The following CABIN1 variants were observed in gnomAD, a reference collection of about 807,000 sequenced individuals.
CABIN1 encodes calcineurin-binding protein cabin-1.
In CABIN1, 133 loss-of-function variants were observed where a neutral mutation model predicts 227.7. The observed-to-expected ratio is 0.58, with a 90% CI of 0.51 to 0.67. The LOEUF (loss-of-function observed/expected upper bound fraction) is 0.67, where lower values mean the gene tolerates loss of function less well. Among genes scored for constraint, CABIN1 ranks in the 30% least tolerant of loss-of-function variants. The pLI is 0.00. For synonymous variants in CABIN1, 1,086 were observed against 1,155.1 expected, an observed-to-expected ratio of 0.94 and a Z score of 1.21; for missense variants, 2,408 against 2,852.5, an observed-to-expected ratio of 0.84 and a Z score of 3.55.
In CABIN1 at chr22:24,169,080, C is replaced by T. The variant is rs539175338; in HGVS notation, c.5757+559C>T. Among the ~76,000 whole-genome samples the T allele has an allele frequency of 8.8e-4, 127 of 144,362 alleles. 1 individual carries two copies. The highest frequency in any genetic ancestry group is 3.0e-3 in the African/African-American group (118 of 39,760). The allele number at this position is 144,362 out of a possible 152,430, so 94.7% of individuals were successfully genotyped here. A position where few individuals can be genotyped will look rare whatever the true frequency, so the allele number is the denominator to read the frequency against. On this transcript the variant is annotated intron_variant, in intron 33 of 36. Coordinates refer to ENST00000263119, the MANE Select transcript of CABIN1 (RefSeq NM_012295.4). ...CAGGCCAGGGCTGGGGAGGGGGGGG[C>T]GGGGTCCAAGATATGGCAGGGAGTA... is the stretch of plus-strand genomic sequence containing the variant.
At chr22:24,170,166 G>T (rs1226434410) in intron 33 of CABIN1, 1 of 457,792 alleles carries the variant, frequency 2.2e-6, no homozygotes, top group Non-Finnish European at 4.4e-6. Context: ...ATCTGCCGTG[G>T]GCAGATTTGC....
At chr22:24,079,003 GAT>G in intron 19 of CABIN1, among the ~76,000 whole-genome samples, 1 of 152,158 alleles carries the variant, frequency 6.6e-6, no homozygotes, top group Admixed American at 6.5e-5. Context: ...AGTATACTGA[GAT>G]ACAGTTACAT....
chr22:24,170,188 A>C, intron 33 of CABIN1: 1 of 456,378 alleles, frequency 2.2e-6, no homozygotes, highest in Non-Finnish European at 4.4e-6. Context: ...TTTCCTACCT[A>C]GGATTCTTAC....
intron 28 of CABIN1, among the ~76,000 whole-genome samples, chr22:24,120,053 A>G (rs1410140077): frequency 6.6e-6 from 1 of 152,146 alleles, no homozygotes; most frequent in African/African-American, 2.4e-5. Flanking sequence ...CACCCCTGCC[A>G]TTCACCCATC....
intron 26 of CABIN1, among the ~76,000 whole-genome samples, chr22:24,105,011 A>G (rs955733474): frequency 9.2e-5 from 14 of 152,202 alleles, no homozygotes; most frequent in African/African-American, 2.9e-4. Flanking sequence ...ACACTTAAAG[A>G]GACACTGGAA....
intron 1 of CABIN1, among the ~76,000 whole-genome samples, chr22:24,022,718 C>A (rs904877948): frequency 7.9e-5 from 12 of 152,140 alleles, no homozygotes; most frequent in African/African-American, 2.9e-4. Context: ...TATGATTCTT[C>A]CAGTTGCTCT....
At position 24,119,533 on chromosome 22, in the gene CABIN1, G is replaced by A. The variant is rs1442641113; in HGVS notation, c.4467G>A (p.Glu1489=). 2 of 1,613,836 alleles carry A rather than the reference G, an allele frequency of 1.2e-6. No individual in the cohort carries two copies. Among genetic ancestry groups the A allele is most frequent in the Non-Finnish European group, 1.7e-6 (2 of 1,180,030 alleles). ...DGKKRGDLPG[E]PVAFPQGLPA... is the part of the protein sequence containing the mutation. ...AGAAGAGAGGGGACCTCCCAGGGGA[G>A]CCAGTGGCCTTCCCCCAGGGGCTGC... Residue 1489 remains glutamate (E), a synonymous_variant, in exon 28 of 37, where the codon GAG becomes GAA. Transcript: ENST00000263119.
intron 4 of CABIN1, among the ~76,000 whole-genome samples, chr22:24,040,389 G>A (rs1246614929): frequency 6.6e-6 from 1 of 152,210 alleles, no homozygotes; most frequent in Non-Finnish European, 1.5e-5. Context: ...GAAGAGCAAT[G>A]TGTGGAAGCC....
chr22:24,170,761 C>T (rs549949045), intron 33 of CABIN1, among the ~76,000 whole-genome samples: 1 of 149,278 alleles, frequency 6.7e-6, no homozygotes, highest in Non-Finnish European at 1.5e-5. Flanking sequence ...TGCCCCCCCC[C>T]CCGCCCCCAT....
intron 1 of CABIN1, among the ~76,000 whole-genome samples, chr22:24,029,820 GACAGTAAA>G (rs921945110): frequency 2.6e-5 from 4 of 152,082 alleles, no homozygotes; most frequent in Non-Finnish European, 5.9e-5. Flanking sequence ...ATGTTGTGTA[GACAGTAAA>G]ACTGTATACC....
chr22:24,154,546 T>A (rs1441789767), intron 29 of CABIN1, among the ~76,000 whole-genome samples: 3 of 152,210 alleles, frequency 2.0e-5, no homozygotes, highest in Admixed American at 6.5e-5. Context: ...CCCCTTGTCC[T>A]CACACAGCCT....
chr22:24,039,454 G>C (rs775971268), intron 4 of CABIN1, among the ~76,000 whole-genome samples: 2 of 152,196 alleles, frequency 1.3e-5, no homozygotes, highest in Non-Finnish European at 2.9e-5. Context: ...ACTGGTTACA[G>C]TGCTTTGGAA....
intron 1 of CABIN1, among the ~76,000 whole-genome samples, chr22:24,020,165 C>T (rs1470831919): frequency 6.6e-6 from 1 of 152,094 alleles, no homozygotes; most frequent in Non-Finnish European, 1.5e-5. Flanking sequence ...ATTAAAGTAT[C>T]TCAATTTCTG....
chr22:24,083,297 G>A lies in CABIN1; in HGVS notation c.2818G>A (p.Glu940Lys), dbSNP rs1398768808. The change falls in exon 20 of 37, where the codon GAG becomes AAG. Residue 940 changes from glutamate to lysine, a missense_variant. By Grantham distance (56) the Glu-to-Lys change is moderately conservative (BLOSUM62 1). Around this residue, in one of 3 missense-constraint regions of CABIN1, gnomAD observed 649 missense variants for 910.3 expected, o/e 0.71. Transcript: ENST00000263119. ...EDTHPYKEEL[E>K]TALEQCFYCL... ...CACGCACCCTTACAAGGAGGAGCTG[G>A]AGACAGCCTTGGAGCAGTGCTTCTA... The A allele has an allele frequency of 1.2e-6, 2 of 1,613,626 alleles. No homozygotes were observed. The highest frequency in any genetic ancestry group is 1.7e-6 in the Non-Finnish European group (2 of 1,180,030).
intron 1 of CABIN1, among the ~76,000 whole-genome samples, chr22:24,031,643 T>G (rs1237712204): frequency 6.6e-6 from 1 of 152,088 alleles, no homozygotes; most frequent in Non-Finnish European, 1.5e-5. Flanking sequence ...TGATGCTCAG[T>G]GGGATTAGAG....
At chr22:24,172,145 C>G (rs2046853087) in intron 34 of CABIN1, 150 bp downstream of exon 34, 2 of 913,090 alleles carry the variant, frequency 2.2e-6, no homozygotes, top group Middle Eastern at 3.4e-4. Context: ...GACCGCGGGT[C>G]CACTCACCAG....
intron 33 of CABIN1, among the ~76,000 whole-genome samples, chr22:24,170,311 C>G (rs538075292): frequency 7.0e-4 from 107 of 152,328 alleles, no homozygotes; most frequent in African/African-American, 2.5e-3. Flanking sequence ...ATAGCTCCCG[C>G]CCCTCAGGGA....
chr22:24,099,312 C>G (rs1236618775), intron 26 of CABIN1, among the ~76,000 whole-genome samples: 1 of 152,150 alleles, frequency 6.6e-6, no homozygotes, highest in Admixed American at 6.5e-5. Context: ...CTCCATTTCT[C>G]TGGGGGCAGG....
intron 24 of CABIN1, among the ~76,000 whole-genome samples, chr22:24,092,325 G>C (rs1299269486): frequency 6.6e-6 from 1 of 152,170 alleles, no homozygotes; most frequent in Non-Finnish European, 1.5e-5. Flanking sequence ...GGAGTCTTCT[G>C]ATTGTTGTTC....
Sources: allele counts gnomAD v4.1 joint callset (sites outside exome capture counted in the v4.1 genomes callset), GRCh38; gene constraint gnomAD v4.1.1; regional missense constraint gnomAD v4.1.1; transcripts MANE v1.5; gene names NCBI Gene and HGNC (gene_info 2026-07-23, HGNC 2026-07-21).